SLC6A9: variants seen among roughly 807,000 people sequenced by gnomAD.
SLC6A9 encodes sodium- and chloride-dependent glycine transporter 1.
SLC6A9 carries 31 observed loss-of-function variants against 70.9 expected under a neutral mutation model. The ratio of observed to expected loss-of-function variants is 0.44; its 90% confidence interval spans 0.33 to 0.59. The LOEUF (loss-of-function observed/expected upper bound fraction) is 0.59, where lower values mean the gene tolerates loss of function less well. Ranked by LOEUF, SLC6A9 falls within the 20% of genes least tolerant of loss-of-function variation. The pLI is 0.04. For synonymous variants in SLC6A9, 310 were observed against 341.3 expected (o/e 0.91, Z 1.01); for missense variants, 631 against 845.2 (o/e 0.75, Z 3.14).
chr1:44,015,056 A>G (rs2086693969), intron 2 of SLC6A9, among the ~76,000 whole-genome samples: 1 of 152,116 alleles, frequency 6.6e-6, no homozygotes, highest in African/African-American at 2.4e-5. Flanking sequence ...ATTAGTTCCC[A>G]CTAGCTTTCT....
intron 4 of SLC6A9, among the ~76,000 whole-genome samples, chr1:44,008,884 T>C (rs1238030482): frequency 6.6e-6 from 1 of 151,766 alleles, no homozygotes; most frequent in Non-Finnish European, 1.5e-5. Context: ...CACGCCTGGC[T>C]AATTTTTTTG....
At position 44,010,050 on chromosome 1, in the gene SLC6A9, G is replaced by T. The variant is rs766180018; in HGVS notation, c.234C>A (p.Ile78=). The T allele has an allele frequency of 6.2e-6, 10 of 1,614,086 alleles. No homozygotes were observed. The highest frequency in any genetic ancestry group is 8.5e-6 in the Non-Finnish European group (10 of 1,179,978). ...PYFIMLIFCG[I]PLFFMELSFG... is the part of the protein sequence containing the mutation. Reference sequence around the variant, plus strand: ...AGGAGAGCTCCATGAAGAAGAGGGGGATCCCGCAGAAGATGAGCATGATGA... The same window carrying T: ...AGGAGAGCTCCATGAAGAAGAGGGGTATCCCGCAGAAGATGAGCATGATGA... The change falls in exon 4 of 14, where the codon ATC becomes ATA. Residue 78 remains isoleucine (I), a synonymous_variant. Coordinates refer to ENST00000372310, the MANE Select transcript of SLC6A9 (RefSeq NM_001024845.3).
chr1:44,003,016 C>G, intron 5 of SLC6A9, 31 bp from the exon 6 acceptor site: 1 of 1,612,658 alleles, frequency 6.2e-7, no homozygotes, highest in Non-Finnish European at 8.5e-7. Flanking sequence ...CACTGAGGGC[C>G]AGCCGCCGCT....
rs199568875 is a variant in SLC6A9 at position 44,000,922 on chromosome 1, C to G, written c.1435+34G>C. On this transcript the variant is annotated intron_variant, in intron 11 of 13. Coordinates refer to ENST00000372310, the MANE Select transcript of SLC6A9 (RefSeq NM_001024845.3). ...AGGACAGAGTGGGCGGGCCAAGGGC[C>G]GGGTCGCGGGAGGCCGGAGGCTCGA... 22 of 1,599,788 alleles carry G rather than the reference C, an allele frequency of 1.4e-5. No homozygotes were observed. In the South Asian group the frequency reaches 2.5e-4, roughly 18 times the overall value.
intron 1 of SLC6A9, 29 bp from the exon 2 acceptor site, chr1:44,024,391 G>C: frequency 1.4e-6 from 2 of 1,382,166 alleles, no homozygotes; most frequent in East Asian, 4.6e-5. Flanking sequence ...GTGAGGTGAG[G>C]ACTTGGCCGT....
intron 1 of SLC6A9, among the ~76,000 whole-genome samples, chr1:44,024,713 C>T (rs1036820945): frequency 6.6e-6 from 1 of 152,272 alleles, no homozygotes; most frequent in East Asian, 1.9e-4. Flanking sequence ...GGAGGGGAAT[C>T]AGCTCAGATC....
chr1:44,011,764 G>A (rs1277599795), intron 2 of SLC6A9: 1 of 1,602,890 alleles, frequency 6.2e-7, no homozygotes, highest in South Asian at 1.1e-5. Context: ...GCAGATGCGG[G>A]GATTTGCCCC....
intron 5 of SLC6A9, among the ~76,000 whole-genome samples, chr1:44,003,939 A>G (rs973853450): frequency 6.6e-6 from 1 of 151,902 alleles, no homozygotes; most frequent in Admixed American, 6.6e-5. Context: ...GAGGGCAAAG[A>G]ACAACTGCTC....
intron 5 of SLC6A9, among the ~76,000 whole-genome samples, chr1:44,007,504 C>T (rs1168136494): frequency 2.6e-5 from 4 of 152,204 alleles, no homozygotes; most frequent in Admixed American, 6.5e-5. Flanking sequence ...TGGTCTCTGT[C>T]GCCTCTGAAC....
intron 5 of SLC6A9, among the ~76,000 whole-genome samples, chr1:44,007,603 A>G (rs1347413891): frequency 1.3e-5 from 2 of 152,168 alleles, no homozygotes; most frequent in Non-Finnish European, 2.9e-5. Context: ...GTCTAAGCCT[A>G]ATCCTGGCAA....
At chr1:44,007,564 C>T (rs1476852623) in intron 5 of SLC6A9, among the ~76,000 whole-genome samples, 2 of 152,210 alleles carry the variant, frequency 1.3e-5, no homozygotes, top group Admixed American at 6.5e-5. Context: ...CAGAGACCTT[C>T]CATGGCGTCT....
chr1:44,024,478 G>A lies in SLC6A9; in HGVS notation c.-85-116C>T, dbSNP rs535572549. ...CTGCCCAGGCCCTCTGCCAGGCCAT[G>A]TCCATATCCTGCTCCTTTCTGGAAG... On this transcript the variant is annotated intron_variant, in intron 1 of 13. Transcript: ENST00000372310. 105 of 622,434 alleles carry A rather than the reference G, an allele frequency of 1.7e-4. 1 individual carries two copies. The highest frequency in any genetic ancestry group is 1.0e-3 in the South Asian group (54 of 52,842). The allele number at this position is 622,434 out of a possible 1,614,324, so 38.6% of individuals were successfully genotyped here. A position where few individuals can be genotyped will look rare whatever the true frequency, so the allele number is the denominator to read the frequency against.
At chr1:44,010,658 G>T in intron 3 of SLC6A9, 68 bp downstream of exon 3, 2 of 1,480,836 alleles carry the variant, frequency 1.4e-6, no homozygotes, top group Non-Finnish European at 1.9e-6. Context: ...CCAGGGAGAG[G>T]GTGGCCCAGG....
At position 44,010,851 on chromosome 1, in the gene SLC6A9, CTCT is replaced by C. The variant is rs1413201481; in HGVS notation, c.59_61del (p.Lys20del). ...GTTGCCCCGTTTGAGGTTCTGGTCCCTCTTGGTGGCCTCGCTGGGCACAGCACC... is the reference window on the plus strand; with the variant it reads ...GTTGCCCCGTTTGAGGTTCTGGTCCCTGGTGGCCTCGCTGGGCACAGCACC... On this transcript the variant is annotated inframe_deletion, in exon 3 of 14. Coordinates refer to ENST00000372310, the MANE Select transcript of SLC6A9 (RefSeq NM_001024845.3). The C allele has an allele frequency of 6.2e-7, 1 of 1,614,142 alleles. No individual in the cohort carries two copies. Among genetic ancestry groups the C allele is most frequent in the East Asian group, 2.2e-5 (1 of 44,892 alleles).
intron 2 of SLC6A9, chr1:44,014,573 C>G (rs1439378448): frequency 6.6e-6 from 1 of 152,112 alleles, no homozygotes; most frequent in Non-Finnish European, 1.5e-5. Flanking sequence ...GCCTCCCACC[C>G]CTTCCCTGCC....
rs2086146743 is a variant in SLC6A9, at chr1:44,002,394, T to G, written c.881A>C (p.Gln294Pro). The G allele has an allele frequency of 6.2e-7, 1 of 1,614,104 alleles. No individual in the cohort carries two copies. Among genetic ancestry groups the G allele is most frequent in the Non-Finnish European group, 8.5e-7 (1 of 1,179,984 alleles). ...EAKVWGDAAS[Q>P]IFYSLGCAWG... ...CGCGCAGCCCAGTGAGTAGAAGATC[T>G]GGGAGGCAGCATCACCCCACACCTG... is the stretch of plus-strand genomic sequence containing the variant. The change falls in exon 8 of 14, where the codon CAG becomes CCG. Residue 294 changes from glutamine to proline, a missense_variant. By Grantham distance (76) the Gln-to-Pro change is moderately conservative (BLOSUM62 -1). Coordinates refer to ENST00000372310, the MANE Select transcript of SLC6A9 (RefSeq NM_001024845.3). The surrounding 1 kb of genome is among the most constrained non-coding windows in gnomAD (Gnocchi z 5.5).
chr1:44,017,437 G>C (rs2086791508), intron 2 of SLC6A9: 1 of 1,063,716 alleles, frequency 9.4e-7, no homozygotes, highest in Non-Finnish European at 1.2e-6. Flanking sequence ...CGAGAGGGTG[G>C]CTCACTCCCC....
At chr1:44,004,000 A>ATT (rs879323623) in intron 5 of SLC6A9, among the ~76,000 whole-genome samples, 108 of 145,096 alleles carry the variant, frequency 7.4e-4, no homozygotes, top group African/African-American at 2.5e-3. Context: ...TGTTTGAAGG[A>ATT]TTTTTTTTTT....
rs756505420 is a variant in SLC6A9, at chr1:43,997,949, G to A, written c.1613C>T (p.Ala538Val). 9.3e-6 allele frequency: 15 copies of A among 1,614,042 alleles called. No homozygotes were observed. The African/African-American group carries it at 1.5e-4, about 16-fold the overall frequency. The change falls in exon 13 of 14, where the codon GCC (alanine) becomes GTC (valine). Residue 538 changes from alanine (A) to valine (V), a missense_variant. Ala to Val is a moderately conservative substitution (Grantham distance 64). Coordinates refer to ENST00000372310, the MANE Select transcript of SLC6A9 (RefSeq NM_001024845.3). The surrounding 1 kb of genome is among the most constrained non-coding windows in gnomAD (Gnocchi z 4.4). ...GGACAGAGCCATGAGGAAGCCAATG[G>A]CCACGGCCCAGCCTGGGTACTGGTA... ...NHYQYPGWAV[A>V]IGFLMALSSV...
Sources: allele counts gnomAD v4.1 joint callset (sites outside exome capture counted in the v4.1 genomes callset), GRCh38; gene constraint gnomAD v4.1.1; non-coding constraint Gnocchi (gnomAD v3.1); transcripts MANE v1.5; gene names NCBI Gene and HGNC (gene_info 2026-07-23, HGNC 2026-07-21).